The following EP300 variants were observed in gnomAD, a reference collection of about 807,000 sequenced individuals.
The protein encoded by EP300 is histone acetyltransferase p300.
Under a neutral mutation model 264.0 loss-of-function variants are expected in EP300, and 31 were observed. The observed-to-expected ratio is 0.12, with a 90% CI of 0.09 to 0.16. The LOEUF is 0.16. Among genes scored for constraint, EP300 ranks in the 10% least tolerant of loss-of-function variants. EP300 has a pLI of 1.00. For missense variants in EP300, 2,766 were observed against 3,052.9 expected, an observed-to-expected ratio of 0.91 and a Z score of 2.21; for synonymous variants, 1,340 against 1,045.4, an observed-to-expected ratio of 1.28 and a Z score of -5.44.
rs201883596 is a variant in EP300 at position 41,176,460 on chromosome 22, C to T, written c.4993C>T (p.Arg1665Cys). The change falls in exon 30 of 31, where the codon CGC becomes TGC. Residue 1665 changes from arginine to cysteine, a missense_variant. Physicochemically the swap from Arg to Cys is radical, Grantham distance 180 (BLOSUM62 -3). Coordinates refer to ENST00000263253, the MANE Select transcript of EP300 (RefSeq NM_001429.4). ...LVELHTQSQD[R>C]FVYTCNECKH... ...GGAGCTGCACACGCAGAGCCAGGAC[C>T]GCTTTGTCTACACCTGCAATGAATG... 2 of 1,614,184 alleles carry T rather than the reference C, an allele frequency of 1.2e-6. No individual in the cohort carries two copies. Among genetic ancestry groups the T allele is most frequent in the East Asian group, 2.2e-5 (1 of 44,876 alleles).
At chr22:41,176,142 C>T (rs1466868392) in intron 29 of EP300, 105 bp from the exon 30 acceptor site, 2 of 1,336,354 alleles carry the variant, frequency 1.5e-6, no homozygotes, top group East Asian at 4.6e-5. Context: ...ATTGCTTGAG[C>T]CCAGGAGGCA....
At position 41,149,028 on chromosome 22, in the gene EP300, T is replaced by C; in HGVS notation, c.2242-10T>C. On this transcript the variant is annotated splice_polypyrimidine_tract_variant and intron_variant, in intron 12 of 30. Coordinates refer to ENST00000263253, the MANE Select transcript of EP300 (RefSeq NM_001429.4). ...GCAGTTTGGTGATTTGTGTTTTTTT[T>C]TTTTTTCAGCCTATGGGCTATGGGC... The C allele has an allele frequency of 1.2e-6, 2 of 1,613,774 alleles. No individual in the cohort carries two copies. Among genetic ancestry groups the C allele is most frequent in the East Asian group, 2.2e-5 (1 of 44,878 alleles).
At position 41,093,945 on chromosome 22, in the gene EP300, T is replaced by A. The variant is rs538375950; in HGVS notation, c.94+847T>A. The stretch of plus-strand genomic sequence containing the variant: ...ACTGATTGTACAAAAGTTTAAAATG[T>A]GCATTAGGTTTGGTGTTTGTGTGTG... On this transcript the variant is annotated intron_variant, in intron 1 of 30. Transcript: ENST00000263253. 5.3e-5 allele frequency among the ~76,000 whole-genome samples: 8 copies of A among 152,364 alleles called. No homozygotes were observed. The South Asian group carries it at 1.2e-3, about 24-fold the overall frequency.
At chr22:41,143,271 G>A (rs973992058) in intron 10 of EP300, among the ~76,000 whole-genome samples, 1 of 152,140 alleles carries the variant, frequency 6.6e-6, no homozygotes, top group Non-Finnish European at 1.5e-5. Context: ...GGGCAACATG[G>A]TGAAACTCTG....
chr22:41,125,713 T>G (rs5758240), intron 2 of EP300, 151 bp from the exon 3 acceptor site: 11 of 794,892 alleles, frequency 1.4e-5, no homozygotes, highest in Non-Finnish European at 2.2e-5. Context: ...TGGGGTTTTG[T>G]CACGTTGCCC....
At chr22:41,174,150 C>T (rs1024315680) in intron 29 of EP300, among the ~76,000 whole-genome samples, 11 of 150,514 alleles carry the variant, frequency 7.3e-5, no homozygotes, top group African/African-American at 9.8e-5. Context: ...ACTGACTGTT[C>T]GCTGGGCGTG....
chr22:41,126,539 A>G (rs954492873), intron 3 of EP300, among the ~76,000 whole-genome samples: 4 of 152,098 alleles, frequency 2.6e-5, no homozygotes, highest in African/African-American at 7.2e-5. Flanking sequence ...TGTACAGTCA[A>G]ACTACTAGTA....
intron 22 of EP300, among the ~76,000 whole-genome samples, chr22:41,165,406 AC>A (rs1484090884): frequency 6.6e-6 from 1 of 152,118 alleles, no homozygotes; most frequent in African/African-American, 2.4e-5. Flanking sequence ...ACTCTTTTGT[AC>A]ATACAATCAT....
intron 10 of EP300, 121 bp from the exon 11 acceptor site, chr22:41,146,618 A>G: frequency 1.2e-6 from 1 of 813,606 alleles, no homozygotes; most frequent in Non-Finnish European, 2.1e-6. Context: ...TTATTTTGTG[A>G]TTCATACTCA....
At chr22:41,100,737 A>G (rs746047400) in intron 1 of EP300, among the ~76,000 whole-genome samples, 1 of 152,168 alleles carries the variant, frequency 6.6e-6, no homozygotes, top group African/African-American at 2.4e-5. Context: ...TGCAAATACT[A>G]CATGTCCCCT....
chr22:41,155,377 A>G (rs948033776), intron 17 of EP300, among the ~76,000 whole-genome samples: 3 of 151,916 alleles, frequency 2.0e-5, no homozygotes, highest in Non-Finnish European at 4.4e-5. Context: ...AACTACATTC[A>G]TGTGCCACCT....
chr22:41,171,076 A>G (rs1323453635), intron 27 of EP300, among the ~76,000 whole-genome samples: 2 of 151,944 alleles, frequency 1.3e-5, no homozygotes, highest in Non-Finnish European at 2.9e-5. Context: ...TCAATATAAG[A>G]AAAACCAGGT....
At chr22:41,119,189 T>TTA (rs1296705006) in intron 2 of EP300, among the ~76,000 whole-genome samples, 4 of 142,564 alleles carry the variant, frequency 2.8e-5, no homozygotes, top group Non-Finnish European at 6.1e-5. Context: ...TTTTTTTTTT[T>TTA]TTTTTTTTTT....
At chr22:41,126,254 G>C (rs770161436) in intron 3 of EP300, 38 of 566,186 alleles carry the variant, frequency 6.7e-5, no homozygotes, top group Non-Finnish European at 1.1e-4. Flanking sequence ...TGAGCATGTT[G>C]ATCCAAACAG....
intron 17 of EP300, 89 bp downstream of exon 17, chr22:41,155,202 C>T (rs1044779843): frequency 2.0e-6 from 2 of 1,004,242 alleles, no homozygotes; most frequent in Non-Finnish European, 3.1e-6. Flanking sequence ...AGTATAGCCA[C>T]TCATTTCAAA....
intron 10 of EP300, among the ~76,000 whole-genome samples, chr22:41,145,276 A>G (rs768318676): frequency 2.6e-5 from 4 of 152,234 alleles, no homozygotes; most frequent in African/African-American, 4.8e-5. Flanking sequence ...TGTAATGAGC[A>G]TGGATTATGC....
At chr22:41,094,538 C>T (rs1433001421) in intron 1 of EP300, among the ~76,000 whole-genome samples, 2 of 152,206 alleles carry the variant, frequency 1.3e-5, no homozygotes, top group Non-Finnish European at 1.5e-5. Context: ...TGTACCTATT[C>T]TATGAAGGTA....
rs1327804982 is a variant in EP300, at chr22:41,177,887, G to C, written c.6176G>C (p.Arg2059Thr). Residue 2059 changes from arginine (R) to threonine (T), a missense_variant, in exon 31 of 31, where the codon AGG becomes ACG. Physicochemically the swap from Arg to Thr is moderately conservative, Grantham distance 71 (BLOSUM62 -1). Transcript: ENST00000263253. Reference protein sequence around the residue: ...QALQNLLRTLRSPSSPLQQQQ... With the variant: ...QALQNLLRTLTSPSSPLQQQQ... Reference sequence around the variant, plus strand: ...TTACAAAACCTTTTGCGGACTCTCAGGTCTCCCAGCTCTCCCCTGCAGCAG... The same window carrying C: ...TTACAAAACCTTTTGCGGACTCTCACGTCTCCCAGCTCTCCCCTGCAGCAG... The C allele has an allele frequency of 6.2e-7, 1 of 1,614,162 alleles. No homozygotes were observed. The highest frequency in any genetic ancestry group is 8.5e-7 in the Non-Finnish European group (1 of 1,180,022).
At chr22:41,116,754 T>G (rs983247173) in intron 1 of EP300, among the ~76,000 whole-genome samples, 6 of 152,176 alleles carry the variant, frequency 3.9e-5, no homozygotes, top group Admixed American at 1.3e-4. Flanking sequence ...CCTAAAAAAC[T>G]ACCATACAAA....
Sources: allele counts gnomAD v4.1 joint callset (sites outside exome capture counted in the v4.1 genomes callset), GRCh38; gene constraint gnomAD v4.1.1; transcripts MANE v1.5; gene names NCBI Gene and HGNC (gene_info 2026-07-23, HGNC 2026-07-21).